Variants in CSMD1 observed in about 807,000 individuals in gnomAD.
The protein encoded by CSMD1 is CUB and Sushi multiple domains 1.
Under a neutral mutation model 417.5 loss-of-function variants are expected in CSMD1, and 213 were observed. The observed-to-expected ratio is 0.51, with a 90% CI of 0.46 to 0.57. The LOEUF (loss-of-function observed/expected upper bound fraction) is 0.57. Among genes scored for constraint, CSMD1 ranks in the 20% least tolerant of loss-of-function variants. CSMD1 has a pLI of 0.00. For missense variants in CSMD1, 6,923 were observed against 4,529.7 expected (o/e 1.53, Z -15.17); for synonymous variants, 2,862 against 1,736.8 (o/e 1.65, Z -16.11).
At chr8:4,078,897 AT>A (rs1799974474) in intron 3 of CSMD1, among the ~76,000 whole-genome samples, 1 of 8,866 alleles carries the variant, frequency 1.1e-4, no homozygotes, top group African/African-American at 3.8e-4. Flanking sequence ...ATAATAATAA[AT>A]ATATATATAT....
intron 5 of CSMD1, among the ~76,000 whole-genome samples, chr8:3,763,844 T>C (rs1322560557): frequency 2.0e-5 from 3 of 152,170 alleles, no homozygotes; most frequent in Non-Finnish European, 4.4e-5. Context: ...ACTATTCACA[T>C]GGAATGATTT....
intron 3 of CSMD1, among the ~76,000 whole-genome samples, chr8:4,342,570 G>A (rs1800541132): frequency 6.6e-6 from 1 of 151,788 alleles, no homozygotes; most frequent in Admixed American, 6.6e-5. Context: ...CCTCTCAGAT[G>A]GACACTTCCC....
chr8:3,625,013 C>A (rs144770081), intron 7 of CSMD1, among the ~76,000 whole-genome samples: 1 of 151,884 alleles, frequency 6.6e-6, no homozygotes, highest in African/African-American at 2.4e-5. Flanking sequence ...TTTCTTGCAG[C>A]CATAAGAGGA....
At chr8:4,049,499 T>G (rs1197755493) in intron 3 of CSMD1, among the ~76,000 whole-genome samples, 1 of 151,228 alleles carries the variant, frequency 6.6e-6, no homozygotes, top group Non-Finnish European at 1.5e-5. Context: ...AATCCCCTTT[T>G]TGAATAAGAT....
intron 1 of CSMD1, among the ~76,000 whole-genome samples, chr8:4,680,007 G>A (rs535333182): frequency 6.6e-6 from 1 of 152,084 alleles, no homozygotes; most frequent in Non-Finnish European, 1.5e-5. Flanking sequence ...ATTTGTTTTA[G>A]TACTCTTCAA....
At chr8:4,630,475 G>T (rs1056244341) in intron 2 of CSMD1, among the ~76,000 whole-genome samples, 9 of 151,712 alleles carry the variant, frequency 5.9e-5, no homozygotes, top group African/African-American at 2.2e-4. Flanking sequence ...AAACAAAAAC[G>T]AAAAACAAAC....
At chr8:3,701,109 A>G (rs7462857) in intron 7 of CSMD1, among the ~76,000 whole-genome samples, 144,565 of 152,066 alleles carry the variant, frequency 0.95, 68,770 homozygotes, top group East Asian at 0.99. Context: ...GAAGTCACAG[A>G]CTTCTTCTGT....
chr8:4,165,630 T>G (rs1291330318), intron 3 of CSMD1, among the ~76,000 whole-genome samples: 1 of 152,174 alleles, frequency 6.6e-6, no homozygotes, highest in Non-Finnish European at 1.5e-5. Context: ...CTTGAACTCC[T>G]TGACACAAGG....
intron 3 of CSMD1, among the ~76,000 whole-genome samples, chr8:4,279,691 T>C (rs1023971601): frequency 6.6e-6 from 1 of 152,220 alleles, no homozygotes; most frequent in Admixed American, 6.5e-5. Flanking sequence ...CAACTTTGAA[T>C]GTGCATTTTC....
chr8:4,942,393 TATC>T (rs1387547385), intron 1 of CSMD1, among the ~76,000 whole-genome samples: 1 of 152,224 alleles, frequency 6.6e-6, no homozygotes, highest in East Asian at 1.9e-4. Flanking sequence ...AGATTACTCT[TATC>T]ATGTTGTACT....
chr8:3,377,298 C>T (rs1810372203), intron 18 of CSMD1, among the ~76,000 whole-genome samples: 1 of 152,156 alleles, frequency 6.6e-6, no homozygotes, highest in Non-Finnish European at 1.5e-5. Flanking sequence ...AGGCATGAGC[C>T]ACCATGCCTG....
rs185532703 is a variant in CSMD1, at chr8:4,250,415, G to A, written c.415+169538C>T. Among the ~76,000 whole-genome samples, 7 of 152,210 alleles carry A rather than the reference G, an allele frequency of 4.6e-5. No homozygotes were observed. In the East Asian group the frequency reaches 1.4e-3, roughly 29 times the overall value. The stretch of plus-strand genomic sequence containing the variant: ...AGATGCTGGTTGAGGATCCAATATT[G>A]TAGCCACTGCTCCCTGGGGAACATG... On this transcript the variant is annotated intron_variant, in intron 3 of 69. Coordinates refer to ENST00000635120, the MANE Select transcript of CSMD1 (RefSeq NM_033225.6).
At chr8:4,169,743 AC>A (rs1484603562) in intron 3 of CSMD1, among the ~76,000 whole-genome samples, 3 of 152,172 alleles carry the variant, frequency 2.0e-5, no homozygotes, top group African/African-American at 7.2e-5. Context: ...GGAGGTTCAA[AC>A]GCCCCCTTGA....
intron 2 of CSMD1, among the ~76,000 whole-genome samples, chr8:4,540,401 G>A (rs117150474): frequency 6.6e-6 from 1 of 151,996 alleles, no homozygotes; most frequent in Non-Finnish European, 1.5e-5. Flanking sequence ...AACAACAACC[G>A]CGAAAATCTC....
chr8:2,974,942 T>C (rs916158467), intron 55 of CSMD1, among the ~76,000 whole-genome samples: 1 of 152,204 alleles, frequency 6.6e-6, no homozygotes, highest in Non-Finnish European at 1.5e-5. Context: ...CTTAACTATA[T>C]TCCAAATGAA....
intron 4 of CSMD1, among the ~76,000 whole-genome samples, chr8:4,024,453 C>A (rs4099546): frequency 6.6e-6 from 1 of 152,228 alleles, no homozygotes; most frequent in South Asian, 2.1e-4. Flanking sequence ...TGTTACTGAT[C>A]TTCAATGTTA....
intron 1 of CSMD1, among the ~76,000 whole-genome samples, chr8:4,833,979 T>C (rs980855185): frequency 6.6e-6 from 1 of 152,026 alleles, no homozygotes; most frequent in Admixed American, 6.6e-5. Flanking sequence ...CCTTGAAGAG[T>C]CTCTCACAGG....
At chr8:3,949,856 G>C in intron 5 of CSMD1, 1 of 454,986 alleles carries the variant, frequency 2.2e-6, no homozygotes, top group Non-Finnish European at 4.4e-6. Context: ...GATCCCTGGG[G>C]ACATGGCCTC....
At chr8:3,025,133 T>C (rs1271371139) in intron 51 of CSMD1, among the ~76,000 whole-genome samples, 1 of 150,962 alleles carries the variant, frequency 6.6e-6, no homozygotes, top group African/African-American at 2.5e-5. Flanking sequence ...AAACTGTGTA[T>C]TGTGTGGTGT....
Sources: gnomAD v4.1 joint callset for allele counts (sites outside exome capture counted in the v4.1 genomes callset) on GRCh38, gnomAD v4.1.1 for gene constraint, MANE v1.5 for transcripts, NCBI Gene and HGNC (gene_info 2026-07-23, HGNC 2026-07-21) for gene names.